AKAP19: variants seen among roughly 807,000 people sequenced by gnomAD.
AKAP19 encodes the protein small A-kinase anchoring protein.
chr2:190,082,545 G>T, the AKAP19 span, among the ~76,000 whole-genome samples: 143,223 of 152,364 alleles, frequency 0.94, 67,801 homozygotes, highest in Non-Finnish European at 1. Context: ...TGCCCACATC[G>T]AAAACAGAAC....
chr2:190,169,879 GTA>G, the AKAP19 span, among the ~76,000 whole-genome samples: 1 of 152,182 alleles, frequency 6.6e-6, no homozygotes, highest in African/African-American at 2.4e-5. Flanking sequence ...CCTTAAACTG[GTA>G]CAGGTTGTTT....
chr2:190,111,963 T>C, the AKAP19 span, among the ~76,000 whole-genome samples: 1 of 152,172 alleles, frequency 6.6e-6, no homozygotes, highest in Non-Finnish European at 1.5e-5. Context: ...AGTGGCACGA[T>C]CTCAGCTCAC....
At chr2:190,176,738 C>T in the AKAP19 span, among the ~76,000 whole-genome samples, 142 of 152,308 alleles carry the variant, frequency 9.3e-4, 2 homozygotes, top group East Asian at 0.022. This position sits in a 1 kb window ranked among gnomAD's most constrained non-coding sequence, Gnocchi z 4.7. Flanking sequence ...AATCAATACA[C>T]CATTTCTGCT....
At chr2:190,030,879 T>C in the AKAP19 span, among the ~76,000 whole-genome samples, 1 of 152,176 alleles carries the variant, frequency 6.6e-6, no homozygotes, top group Non-Finnish European at 1.5e-5. Context: ...ACTAGCTAGA[T>C]TGCTGTGGAA....
At chr2:190,136,421 C>T in the AKAP19 span, among the ~76,000 whole-genome samples, 1 of 152,108 alleles carries the variant, frequency 6.6e-6, no homozygotes, top group Non-Finnish European at 1.5e-5. Flanking sequence ...AGACAAAATG[C>T]CAAAAGCCTG....
chr2:190,119,335 G>C, the AKAP19 span, among the ~76,000 whole-genome samples: 2 of 152,236 alleles, frequency 1.3e-5, no homozygotes, highest in African/African-American at 4.8e-5. Flanking sequence ...GCCAGTTATA[G>C]GCGATGGCTG....
the AKAP19 span, among the ~76,000 whole-genome samples, chr2:189,896,803 C>T: frequency 1.3e-5 from 2 of 151,694 alleles, no homozygotes; most frequent in Non-Finnish European, 2.9e-5. Context: ...TTTTTCTTTC[C>T]CCAAAGGATA....
the AKAP19 span, among the ~76,000 whole-genome samples, chr2:190,084,735 G>A: frequency 6.7e-4 from 102 of 152,292 alleles, no homozygotes; most frequent in African/African-American, 2.3e-3. Flanking sequence ...ACGGGAGTAC[G>A]ATAACCTAAC....
chr2:190,179,322 G>A, the AKAP19 span, among the ~76,000 whole-genome samples: 2 of 151,896 alleles, frequency 1.3e-5, no homozygotes, highest in African/African-American at 4.8e-5. This position sits in a 1 kb window ranked among gnomAD's most constrained non-coding sequence, Gnocchi z 6.0. Flanking sequence ...CAGGAGAATC[G>A]CTTGAACCTG....
the AKAP19 span, among the ~76,000 whole-genome samples, chr2:190,197,176 T>C: frequency 1.3e-5 from 2 of 152,140 alleles, no homozygotes; most frequent in Middle Eastern, 3.2e-3. This position sits in a 1 kb window ranked among gnomAD's most constrained non-coding sequence, Gnocchi z 4.0. Flanking sequence ...ATATATGAAT[T>C]TGGAGAAGCC....
the AKAP19 span, among the ~76,000 whole-genome samples, chr2:189,936,800 C>T: frequency 2.6e-5 from 4 of 152,268 alleles, no homozygotes; most frequent in South Asian, 4.1e-4. Context: ...AAACTACATA[C>T]TATGTGATTC....
At chr2:190,086,391 C>G in the AKAP19 span, among the ~76,000 whole-genome samples, 4 of 152,160 alleles carry the variant, frequency 2.6e-5, no homozygotes, top group South Asian at 8.3e-4. Flanking sequence ...TGACGAATCT[C>G]CTAAATGTTA....
chr2:190,046,563 A>C, the AKAP19 span, among the ~76,000 whole-genome samples: 1 of 152,192 alleles, frequency 6.6e-6, no homozygotes, highest in Non-Finnish European at 1.5e-5. Context: ...ACTTACATTT[A>C]ACTGAAATTT....
chr2:190,015,055 G>T, the AKAP19 span, among the ~76,000 whole-genome samples: 1 of 152,102 alleles, frequency 6.6e-6, no homozygotes. Context: ...TTTTCCACAT[G>T]CACATGCAAG....
chr2:189,934,419 A>T, the AKAP19 span, among the ~76,000 whole-genome samples: 1 of 152,160 alleles, frequency 6.6e-6, no homozygotes, highest in Middle Eastern at 3.4e-3. Context: ...TTTTTGGTTC[A>T]TGCATTGTTA....
At chr2:189,930,716 CA>C in the AKAP19 span, 2 of 552,988 alleles carry the variant, frequency 3.6e-6, no homozygotes, top group East Asian at 6.6e-5. Context: ...TCCCCATAAA[CA>C]AAGTCCATCA....
At chr2:190,016,855 A>T in the AKAP19 span, among the ~76,000 whole-genome samples, 1 of 152,166 alleles carries the variant, frequency 6.6e-6, no homozygotes, top group Non-Finnish European at 1.5e-5. Flanking sequence ...TTCTGTCCAG[A>T]TGATCTGTTC....
At chr2:190,118,634 A>T in the AKAP19 span, among the ~76,000 whole-genome samples, 1 of 152,376 alleles carries the variant, frequency 6.6e-6, no homozygotes, top group South Asian at 2.1e-4. Flanking sequence ...TTATCTCAAT[A>T]GATGCAGAAA....
At chr2:189,884,035 T>A in the AKAP19 span, among the ~76,000 whole-genome samples, 25 of 152,152 alleles carry the variant, frequency 1.6e-4, no homozygotes, top group African/African-American at 5.6e-4. Context: ...GACAAAGTAA[T>A]GACTGGTAAT....
Sources: gnomAD v4.1 joint callset for allele counts (sites outside exome capture counted in the v4.1 genomes callset) on GRCh38, gnomAD v4.1.1 for gene constraint, Gnocchi (gnomAD v3.1) non-coding constraint, MANE v1.5 for transcripts, NCBI Gene and HGNC (gene_info 2026-07-23, HGNC 2026-07-21) for gene names.